The following XRCC6 variants were observed in gnomAD, a reference collection of about 807,000 sequenced individuals.
The protein encoded by XRCC6 is X-ray repair cross complementing 6.
Under a neutral mutation model 65.7 loss-of-function variants are expected in XRCC6, and 5 were observed. That is an observed-to-expected ratio of 0.08 (90% CI 0.04 to 0.16). The LOEUF (loss-of-function observed/expected upper bound fraction) is 0.16, where lower values mean the gene tolerates loss of function less well. XRCC6 is among the 10% of genes least tolerant of loss of function. The pLI is 1.00. For synonymous variants in XRCC6, 270 were observed against 270.6 expected, an observed-to-expected ratio of 1.00 and a Z score of 0.02; for missense variants, 447 against 738.1, an observed-to-expected ratio of 0.61 and a Z score of 4.57.
chr22:41,657,125 T>G, intron 10 of XRCC6, 93 bp downstream of exon 10: 1 of 1,417,684 alleles, frequency 7.1e-7, no homozygotes, highest in East Asian at 2.5e-5. Context: ...GGCACTACTC[T>G]TTTCAGCAAA....
At chr22:41,642,130 A>T (rs946811576) in intron 6 of XRCC6, among the ~76,000 whole-genome samples, 2 of 152,192 alleles carry the variant, frequency 1.3e-5, no homozygotes, top group African/African-American at 4.8e-5. Context: ...GGTCGCTTCC[A>T]AATCTTGGCT....
chr22:41,636,880 TG>T, intron 5 of XRCC6, 110 bp downstream of exon 5: 1 of 1,404,658 alleles, frequency 7.1e-7, no homozygotes, highest in Non-Finnish European at 9.5e-7. Context: ...CCCAAGTAGC[TG>T]GGACTATAAG....
At position 41,661,425 on chromosome 22, in the gene XRCC6, A is replaced by G. The variant is rs200491633; in HGVS notation, c.1617A>G (p.Lys539=). The change falls in exon 12 of 13, where the codon AAA becomes AAG. Residue 539 remains lysine, a synonymous_variant. Coordinates refer to ENST00000360079, the MANE Select transcript of XRCC6 (RefSeq NM_001469.5). ...CACCAGATTACAATCCTGAAGGGAA[A>G]GTTACCAAGAGAAAACACGGTGAGA... ...VYPPDYNPEG[K]VTKRKHDNEG... 1.9e-6 allele frequency: 3 copies of G among 1,613,968 alleles called. No individual in the cohort carries two copies. The highest frequency in any genetic ancestry group is 1.7e-5 in the Admixed American group (1 of 59,950).
rs2067984992 is a variant in XRCC6, at chr22:41,650,602, T to G, written c.961-121T>G. The G allele has an allele frequency of 8.9e-6, 9 of 1,007,716 alleles. No homozygotes were observed. The South Asian group carries it at 1.3e-4, about 14-fold the overall frequency. 62.4% of individuals were successfully genotyped at this position (1,007,716 alleles called of 1,614,324 possible). A position where few individuals can be genotyped will look rare whatever the true frequency, so the allele number is the denominator to read the frequency against. On this transcript the variant is annotated intron_variant, in intron 7 of 12. Coordinates refer to ENST00000360079, the MANE Select transcript of XRCC6 (RefSeq NM_001469.5). ...TGTTGGAGAAGGAGGATGCCCCAGGTGAGCCATCTTCCTGCTCCTTAGAAG... is the reference window on the plus strand; with the variant it reads ...TGTTGGAGAAGGAGGATGCCCCAGGGGAGCCATCTTCCTGCTCCTTAGAAG...
chr22:41,663,062 TAG>T (rs1200613739), intron 12 of XRCC6, among the ~76,000 whole-genome samples: 1 of 152,126 alleles, frequency 6.6e-6, no homozygotes, highest in Admixed American at 6.6e-5. Context: ...GCCTCGGTGA[TAG>T]AGTGAGACTC....
At chr22:41,631,819 G>T (rs112391651) in intron 3 of XRCC6, among the ~76,000 whole-genome samples, 1 of 151,916 alleles carries the variant, frequency 6.6e-6, no homozygotes, top group Admixed American at 6.6e-5. Context: ...TCACACCACT[G>T]TACTCCAGCC....
intron 2 of XRCC6, among the ~76,000 whole-genome samples, chr22:41,625,056 A>G (rs1206298298): frequency 2.0e-5 from 3 of 152,216 alleles, no homozygotes; most frequent in Non-Finnish European, 4.4e-5. Flanking sequence ...CTGTAATCCC[A>G]GCATTTTTGG....
chr22:41,656,797 C>A, intron 9 of XRCC6, 106 bp from the exon 10 acceptor site: 2 of 1,521,134 alleles, frequency 1.3e-6, no homozygotes, highest in Non-Finnish European at 8.9e-7. Flanking sequence ...GCCTACGGGG[C>A]CCCAGCCCCA....
At chr22:41,632,758 G>A (rs2067769080) in intron 3 of XRCC6, among the ~76,000 whole-genome samples, 1 of 151,666 alleles carries the variant, frequency 6.6e-6, no homozygotes, top group Non-Finnish European at 1.5e-5. Context: ...AGGAGTTTGA[G>A]GCTGCACTGA....
chr22:41,637,670 A>C lies in XRCC6; in HGVS notation c.652A>C (p.Arg218=). 1 of 1,612,554 alleles carries C rather than the reference A, an allele frequency of 6.2e-7. No individual in the cohort carries two copies. The change falls in exon 6 of 13, where the codon AGA becomes CGA. Residue 218 remains arginine, a synonymous_variant. Coordinates refer to ENST00000360079, the MANE Select transcript of XRCC6 (RefSeq NM_001469.5). ...PGGFDISLFY[R]DIISIAEDED... ...GGGCTTTGACATATCCTTGTTCTAC[A>C]GAGATATCATCAGCATAGCAGAGGA...
chr22:41,633,995 C>T (rs2067784133), intron 3 of XRCC6, among the ~76,000 whole-genome samples: 1 of 152,076 alleles, frequency 6.6e-6, no homozygotes, highest in South Asian at 2.1e-4. Context: ...TTGTAGACTC[C>T]TCAGAGTAGA....
chr22:41,628,163 A>C lies in XRCC6; in HGVS notation c.128A>C (p.Asp43Ala). ...AGAGATAGTTTGATTTTTTTGGTTGATGCCTCCAAGGCTATGTTTGAATCT... is the reference window on the plus strand; with the variant it reads ...AGAGATAGTTTGATTTTTTTGGTTGCTGCCTCCAAGGCTATGTTTGAATCT... ...SGRDSLIFLVDASKAMFESQS... is the reference protein window; with the variant it reads ...SGRDSLIFLVAASKAMFESQS... Residue 43 changes from aspartate (D) to alanine (A), a missense_variant, in exon 3 of 13, where the codon GAT (aspartate) becomes GCT (alanine). Physicochemically the swap from Asp to Ala is moderately radical, Grantham distance 126. Around this residue, in one of 4 missense-constraint regions of XRCC6, gnomAD observed 228 missense variants for 307.4 expected, o/e 0.74. Transcript: ENST00000360079. 6.2e-7 allele frequency: 1 copy of C among 1,613,810 alleles called. No homozygotes were observed. Among genetic ancestry groups the C allele is most frequent in the Non-Finnish European group, 8.5e-7 (1 of 1,179,892 alleles).
chr22:41,634,112 C>T (rs2067785001), intron 3 of XRCC6, among the ~76,000 whole-genome samples: 1 of 151,978 alleles, frequency 6.6e-6, no homozygotes. Flanking sequence ...CGAAGGCCAG[C>T]TAGAGCTCAG....
chr22:41,663,299 C>T (rs1031846234), intron 12 of XRCC6, among the ~76,000 whole-genome samples: 19 of 152,072 alleles, frequency 1.2e-4, no homozygotes, highest in African/African-American at 4.3e-4. Flanking sequence ...CAGGGTCTCA[C>T]TGTATTACCA....
At chr22:41,647,187 C>A in intron 7 of XRCC6, 105 bp downstream of exon 7, 2 of 1,220,498 alleles carry the variant, frequency 1.6e-6, no homozygotes, top group Non-Finnish European at 2.3e-6. Flanking sequence ...CAGCCTTGAC[C>A]TCCTGGACTC....
intron 5 of XRCC6, among the ~76,000 whole-genome samples, chr22:41,637,052 G>T (rs1377304153): frequency 1.3e-5 from 2 of 151,346 alleles, no homozygotes; most frequent in African/African-American, 4.9e-5. Context: ...CTGTCTAAAG[G>T]ACTCTGTCAG....
In XRCC6 at chr22:41,636,598, T is replaced by C. The variant is rs1266605934; in HGVS notation, c.417T>C (p.Ser139=). 6.2e-7 allele frequency: 1 copy of C among 1,614,106 alleles called. No individual in the cohort carries two copies. The highest frequency in any genetic ancestry group is 1.1e-5 in the South Asian group (1 of 91,086). The stretch of plus-strand genomic sequence containing the variant: ...TCCAAGACATGATGGGCCACGGATC[T>C]GACTACTCACTCAGTGAAGTGCTGT... ...KRFQDMMGHG[S]DYSLSEVLWV... is the part of the protein sequence containing the mutation. The change falls in exon 5 of 13, where the codon TCT becomes TCC. Residue 139 remains serine, a synonymous_variant. Transcript: ENST00000360079.
intron 10 of XRCC6, 65 bp from the exon 11 acceptor site, chr22:41,658,187 T>G: frequency 6.4e-7 from 1 of 1,558,914 alleles, no homozygotes. Context: ...TCAGGTGGTT[T>G]TATTCTAATT....
chr22:41,662,289 C>T (rs909027151), intron 12 of XRCC6, among the ~76,000 whole-genome samples: 13 of 152,250 alleles, frequency 8.5e-5, no homozygotes, highest in Non-Finnish European at 1.6e-4. Context: ...GTGATTATTT[C>T]ACATTGCATG....
Sources: allele counts gnomAD v4.1 joint callset (sites outside exome capture counted in the v4.1 genomes callset), GRCh38; gene constraint gnomAD v4.1.1; regional missense constraint gnomAD v4.1.1; transcripts MANE v1.5; gene names NCBI Gene and HGNC (gene_info 2026-07-23, HGNC 2026-07-21).